IPO7: variants seen among roughly 807,000 people sequenced by gnomAD.
The protein encoded by IPO7 is importin 7, also known as importin-7.
Under a neutral mutation model 136.4 loss-of-function variants are expected in IPO7, and 13 were observed. That is an observed-to-expected ratio of 0.10 (90% CI 0.06 to 0.15). The LOEUF (loss-of-function observed/expected upper bound fraction) is 0.15, where lower values mean the gene tolerates loss of function less well. IPO7 is among the 10% of genes least tolerant of loss of function. IPO7 has a pLI of 1.00. For missense variants in IPO7, 857 were observed against 1,240.6 expected (o/e 0.69, Z 4.65); for synonymous variants, 403 against 404.4 (o/e 1.00, Z 0.04).
intron 23 of IPO7, among the ~76,000 whole-genome samples, chr11:9,441,682 T>C (rs1855461325): frequency 6.6e-6 from 1 of 152,212 alleles, no homozygotes; most frequent in African/African-American, 2.4e-5. Flanking sequence ...CCCTAAAGAA[T>C]GGTTCCTAAC....
chr11:9,408,805 A>G (rs1854926774), intron 3 of IPO7, among the ~76,000 whole-genome samples, 166 bp downstream of exon 3: 1 of 131,598 alleles, frequency 7.6e-6, no homozygotes, highest in Non-Finnish European at 1.5e-5. Context: ...TCCGCCTCCC[A>G]GGTTCAAGCA....
At chr11:9,416,554 A>G (rs1855044961) in intron 5 of IPO7, among the ~76,000 whole-genome samples, 1 of 152,202 alleles carries the variant, frequency 6.6e-6, no homozygotes, top group African/African-American at 2.4e-5. Flanking sequence ...TAGATGTCCT[A>G]AAATCCCAAA....
At chr11:9,434,887 C>G in intron 18 of IPO7, 47 bp from the exon 19 acceptor site, 1 of 1,241,048 alleles carries the variant, frequency 8.1e-7, no homozygotes, top group Non-Finnish European at 1.2e-6. Flanking sequence ...GCAAAGAAAG[C>G]ATTTGTGTTA....
chr11:9,398,712 T>C (rs892474893), intron 1 of IPO7, among the ~76,000 whole-genome samples: 10 of 152,250 alleles, frequency 6.6e-5, no homozygotes, highest in African/African-American at 2.4e-4. Context: ...TCATCTCAAA[T>C]GTATATCATT....
chr11:9,399,988 C>T (rs1051586420), intron 1 of IPO7, among the ~76,000 whole-genome samples: 13 of 152,082 alleles, frequency 8.5e-5, no homozygotes, highest in Non-Finnish European at 4.4e-5. Context: ...GGTTCCAGGA[C>T]CCCCACGGAT....
In IPO7 at chr11:9,408,792, G is replaced by A. The variant is rs573411677; in HGVS notation, c.320+153G>A. Among the ~76,000 whole-genome samples the A allele has an allele frequency of 4.4e-5, 6 of 135,038 alleles. No homozygotes were observed. In the East Asian group the frequency reaches 1.2e-3, roughly 28 times the overall value. The allele number at this position is 135,038 out of a possible 152,430, so 88.6% of individuals were successfully genotyped here. ...AGTGGCACGATCCTTGCTCACTGCAGCCTCCGCCTCCCAGGTTCAAGCAAT... is the reference window on the plus strand; with the variant it reads ...AGTGGCACGATCCTTGCTCACTGCAACCTCCGCCTCCCAGGTTCAAGCAAT... On this transcript the variant is annotated intron_variant, in intron 3 of 24. Transcript: ENST00000379719.
chr11:9,434,615 A>T (rs1240871037), intron 18 of IPO7, among the ~76,000 whole-genome samples: 2 of 152,080 alleles, frequency 1.3e-5, no homozygotes, highest in Non-Finnish European at 2.9e-5. Context: ...GGGCTATTAG[A>T]CCCTGTCTCT....
intron 1 of IPO7, among the ~76,000 whole-genome samples, chr11:9,399,673 C>T (rs1854766148): frequency 6.6e-6 from 1 of 152,098 alleles, no homozygotes; most frequent in African/African-American, 2.4e-5. Flanking sequence ...GAAAGATGGC[C>T]TATGACCAAG....
intron 8 of IPO7, among the ~76,000 whole-genome samples, chr11:9,421,429 A>C (rs1223699555): frequency 6.7e-6 from 1 of 149,872 alleles, no homozygotes; most frequent in Non-Finnish European, 1.5e-5. Flanking sequence ...GGAGTTCGAG[A>C]CCAGCCTGGC....
intron 6 of IPO7, among the ~76,000 whole-genome samples, chr11:9,417,710 T>G (rs1206091476): frequency 4.6e-5 from 7 of 151,088 alleles, no homozygotes; most frequent in Non-Finnish European, 8.9e-5. Flanking sequence ...CTAGTTTTCT[T>G]TTTTCTTTTT....
chr11:9,438,365 G>C (rs149988366), intron 22 of IPO7, 80 bp downstream of exon 22: 52,434 of 875,126 alleles, frequency 0.06, 2,005 homozygotes, highest in South Asian at 0.082. Flanking sequence ...AGTGGCTCAG[G>C]CCTGTAATCC....
intron 8 of IPO7, among the ~76,000 whole-genome samples, chr11:9,421,722 A>G (rs1855132794): frequency 6.6e-6 from 1 of 151,642 alleles, no homozygotes; most frequent in Non-Finnish European, 1.5e-5. Flanking sequence ...AGGCGGGCGG[A>G]TCACGAGGTC....
At chr11:9,439,040 G>C (rs988753014) in intron 22 of IPO7, among the ~76,000 whole-genome samples, 1 of 152,190 alleles carries the variant, frequency 6.6e-6, no homozygotes, top group Non-Finnish European at 1.5e-5. Context: ...TTGGAAGTCT[G>C]AGGTATCAGA....
intron 4 of IPO7, 45 bp downstream of exon 4, chr11:9,410,131 A>G: frequency 2.2e-6 from 3 of 1,348,060 alleles, no homozygotes; most frequent in Non-Finnish European, 2.9e-6. Context: ...GAAGTAGGAA[A>G]AGTTGGGAAA....
chr11:9,420,657 G>T lies in IPO7; in HGVS notation c.865G>T (p.Ala289Ser). 1 of 1,613,682 alleles carries T rather than the reference G, an allele frequency of 6.2e-7. No individual in the cohort carries two copies. The change falls in exon 8 of 25, where the codon GCT becomes TCT. Residue 289 changes from alanine to serine, a missense_variant. Physicochemically the swap from Ala to Ser is moderately conservative, Grantham distance 99. This residue lies in a region of IPO7 where 287 missense variants were observed against 307.5 expected (regional missense o/e 0.93). Coordinates refer to ENST00000379719, the MANE Select transcript of IPO7 (RefSeq NM_006391.3). ...TGTTTCCAAGGAGTATAATGAATTT[G>T]CTGAAGTATTTCTGAAGGCATTTGC... The part of the protein sequence containing the change: ...GNVSKEYNEF[A>S]EVFLKAFAVG...
intron 6 of IPO7, among the ~76,000 whole-genome samples, chr11:9,417,715 CT>C (rs1191474959): frequency 2.8e-3 from 380 of 138,154 alleles, no homozygotes; most frequent in Non-Finnish European, 3.0e-3. Flanking sequence ...TTTCTTTTTT[CT>C]TTTTTTTTTT....
At chr11:9,440,746 G>A (rs1855450750) in intron 23 of IPO7, 85 bp downstream of exon 23, 2 of 1,110,262 alleles carry the variant, frequency 1.8e-6, no homozygotes, top group Admixed American at 1.7e-5. Flanking sequence ...AGAGTTTGGA[G>A]GATATCAAAC....
intron 12 of IPO7, among the ~76,000 whole-genome samples, chr11:9,425,547 C>T (rs974395069): frequency 9.9e-5 from 15 of 152,064 alleles, no homozygotes; most frequent in Non-Finnish European, 1.9e-4. Flanking sequence ...TGAAGACCAG[C>T]CTGGCCAACA....
chr11:9,414,716 C>CG, intron 5 of IPO7: 1 of 154,386 alleles, frequency 6.5e-6, no homozygotes, highest in Non-Finnish European at 1.4e-5. Context: ...ACCTCTGCCT[C>CG]CCGGTTTCAA....
Sources: gnomAD v4.1 joint callset for allele counts (sites outside exome capture counted in the v4.1 genomes callset) on GRCh38, gnomAD v4.1.1 for gene constraint, gnomAD v4.1.1 regional missense constraint, MANE v1.5 for transcripts, NCBI Gene and HGNC (gene_info 2026-07-23, HGNC 2026-07-21) for gene names.